CADM2: variants seen among roughly 807,000 people sequenced by gnomAD.
The protein encoded by CADM2 is cell adhesion molecule 2.
Under a neutral mutation model 49.8 loss-of-function variants are expected in CADM2, and 12 were observed. The observed-to-expected ratio is 0.24, with a 90% confidence interval of 0.15 to 0.39. CADM2 has a LOEUF of 0.39. CADM2 is among the 10% of genes least tolerant of loss of function. The probability of loss-of-function intolerance (pLI) is 1.00; values close to 1 mark genes in which losing one functional copy is unlikely to be tolerated. For synonymous variants in CADM2, 214 were observed against 175.4 expected (o/e 1.22, Z -1.74); for missense variants, 378 against 492.3 (o/e 0.77, Z 2.20).
intron 3 of CADM2, among the ~76,000 whole-genome samples, chr3:85,807,194 A>G (rs1315921920): frequency 6.6e-6 from 1 of 152,060 alleles, no homozygotes; most frequent in Non-Finnish European, 1.5e-5. Flanking sequence ...ACTATTGAAG[A>G]TATACATAGA....
intron 1 of CADM2, among the ~76,000 whole-genome samples, chr3:84,990,787 G>C (rs2032840570): frequency 6.6e-6 from 1 of 151,924 alleles, no homozygotes. Flanking sequence ...AAAATCAAAT[G>C]TGGAAATAAT....
chr3:85,048,142 A>G (rs1576111519), intron 1 of CADM2, among the ~76,000 whole-genome samples: 1 of 152,222 alleles, frequency 6.6e-6, no homozygotes, highest in Non-Finnish European at 1.5e-5. Flanking sequence ...TGCCAAGACG[A>G]TGTATGGAAA....
At chr3:85,495,031 T>C (rs1238703630) in intron 1 of CADM2, among the ~76,000 whole-genome samples, 2 of 152,232 alleles carry the variant, frequency 1.3e-5, no homozygotes, top group South Asian at 4.1e-4. Flanking sequence ...CACCTCTGTG[T>C]TCATGTGTAT....
intron 1 of CADM2, among the ~76,000 whole-genome samples, chr3:85,050,032 C>A (rs1002558179): frequency 1.8e-4 from 28 of 151,836 alleles, no homozygotes; most frequent in African/African-American, 6.5e-4. Flanking sequence ...ATTTCATCGG[C>A]CTTCTTGGGA....
At chr3:85,424,798 T>G (rs1295083741) in intron 1 of CADM2, among the ~76,000 whole-genome samples, 1 of 152,194 alleles carries the variant, frequency 6.6e-6, no homozygotes, top group African/African-American at 2.4e-5. Context: ...ACTAAATTGG[T>G]ACTTACTAGC....
In CADM2 at chr3:85,969,986, TACACTC is replaced by T. The variant is rs1158003003; in HGVS notation, c.970+8341_970+8346del. ...GTGTGTGTGAGTGTATATATATATA[TACACTC>T]ATACACTCACACACACACACAAACA... is the stretch of plus-strand genomic sequence containing the variant. On this transcript the variant is annotated intron_variant, in intron 8 of 9. Coordinates refer to ENST00000383699, the MANE Select transcript of CADM2 (RefSeq NM_001167675.2). Among the ~76,000 whole-genome samples the T allele has an allele frequency of 3.9e-3, 67 of 17,116 alleles. 1 individual carries two copies. The African/African-American group carries it at 0.13, about 34-fold the overall frequency. The allele number at this position is 17,116 out of a possible 152,430, so 11.2% of individuals were successfully genotyped here. A position where few individuals can be genotyped will look rare whatever the true frequency, so the allele number is the denominator to read the frequency against.
intron 1 of CADM2, among the ~76,000 whole-genome samples, chr3:85,359,031 G>C (rs947872331): frequency 2.0e-5 from 3 of 152,130 alleles, no homozygotes; most frequent in Non-Finnish European, 4.4e-5. Flanking sequence ...CAAGAGTCCT[G>C]TGAGACCTGT....
At chr3:85,639,588 A>G (rs2064642285) in intron 1 of CADM2, among the ~76,000 whole-genome samples, 1 of 152,160 alleles carries the variant, frequency 6.6e-6, no homozygotes. Context: ...ATTTTCTAGA[A>G]ACTGCCAATA....
At chr3:85,733,127 C>CT (rs1281627730) in intron 2 of CADM2, among the ~76,000 whole-genome samples, 1 of 152,164 alleles carries the variant, frequency 6.6e-6, no homozygotes, top group Non-Finnish European at 1.5e-5. Context: ...AACTCTCCTT[C>CT]TTCTAGGTCT....
intron 1 of CADM2, among the ~76,000 whole-genome samples, chr3:85,650,988 A>G (rs1232096358): frequency 6.7e-6 from 1 of 148,944 alleles, no homozygotes; most frequent in Non-Finnish European, 1.5e-5. Flanking sequence ...CATTTCTACC[A>G]TTTTCCGCAC....
At chr3:84,984,397 G>C (rs1575972160) in intron 1 of CADM2, among the ~76,000 whole-genome samples, 1 of 131,616 alleles carries the variant, frequency 7.6e-6, no homozygotes. Flanking sequence ...ACTTGAGGCT[G>C]TCCTTAACCC....
intron 1 of CADM2, among the ~76,000 whole-genome samples, chr3:85,450,554 A>C (rs745903420): frequency 7.9e-5 from 12 of 152,070 alleles, no homozygotes; most frequent in Admixed American, 3.9e-4. Flanking sequence ...TATAGAATGA[A>C]TGCTTCATTT....
intron 1 of CADM2, among the ~76,000 whole-genome samples, chr3:85,578,034 T>TC (rs1351947872): frequency 1.7e-4 from 26 of 151,044 alleles, no homozygotes; most frequent in African/African-American, 2.9e-4. Context: ...CTTCCTTTCT[T>TC]CCCCCCCTTT....
chr3:85,223,956 G>A (rs747974597), intron 1 of CADM2, among the ~76,000 whole-genome samples: 4 of 152,128 alleles, frequency 2.6e-5, no homozygotes, highest in Non-Finnish European at 4.4e-5. Context: ...TGGCTGCATA[G>A]TATTCCATTG....
At chr3:85,855,568 T>TATATATATATAAAAAAC (rs1298206968) in intron 3 of CADM2, among the ~76,000 whole-genome samples, 1 of 137,238 alleles carries the variant, frequency 7.3e-6, no homozygotes, top group Non-Finnish European at 1.6e-5. Context: ...TATTTATATT[T>TATATATATATAAAAAAC]ATATATATAT....
At chr3:85,873,029 G>A (rs1239687926) in intron 3 of CADM2, among the ~76,000 whole-genome samples, 1 of 152,122 alleles carries the variant, frequency 6.6e-6, no homozygotes, top group East Asian at 1.9e-4. Context: ...TAAGAACATG[G>A]TGCTGGCATC....
At chr3:85,483,826 G>T (rs891774590) in intron 1 of CADM2, among the ~76,000 whole-genome samples, 1 of 151,062 alleles carries the variant, frequency 6.6e-6, no homozygotes, top group South Asian at 2.1e-4. Context: ...ACTTTTAAAG[G>T]TCTTCTTGAA....
At chr3:85,004,663 G>T (rs989307101) in intron 1 of CADM2, among the ~76,000 whole-genome samples, 20 of 152,020 alleles carry the variant, frequency 1.3e-4, no homozygotes, top group Non-Finnish European at 2.4e-4. Flanking sequence ...GACAAAGTTT[G>T]AAGAAGTGGG....
intron 1 of CADM2, among the ~76,000 whole-genome samples, chr3:85,023,092 G>A (rs909823421): frequency 1.3e-5 from 2 of 152,118 alleles, no homozygotes; most frequent in African/African-American, 4.8e-5. Context: ...AGTAAAGAAA[G>A]AGTTTTAAGT....
Sources: gnomAD v4.1 joint callset for allele counts (sites outside exome capture counted in the v4.1 genomes callset) on GRCh38, gnomAD v4.1.1 for gene constraint, MANE v1.5 for transcripts, NCBI Gene and HGNC (gene_info 2026-07-23, HGNC 2026-07-21) for gene names.